DAB1: variants seen among roughly 807,000 people sequenced by gnomAD.
The protein encoded by DAB1 is DAB adaptor protein 1, also known as disabled homolog 1.
Under a neutral mutation model 64.6 loss-of-function variants are expected in DAB1, and 15 were observed. The ratio of observed to expected loss-of-function variants is 0.23; its 90% CI spans 0.16 to 0.36. The LOEUF is 0.36. DAB1 is among the 10% of genes least tolerant of loss of function. The probability of loss-of-function intolerance (pLI) is 1.00; values close to 1 mark genes in which losing one functional copy is unlikely to be tolerated. For missense variants in DAB1, 596 were observed against 706.7 expected (o/e 0.84, Z 1.78); for synonymous variants, 235 against 251.9 (o/e 0.93, Z 0.64).
At chr1:58,103,209 A>T (rs1357463329) in intron 5 of DAB1, among the ~76,000 whole-genome samples, 3 of 152,198 alleles carry the variant, frequency 2.0e-5, no homozygotes, top group Non-Finnish European at 2.9e-5. Flanking sequence ...ATAAAATACC[A>T]TCAAAGGCTA....
intron 4 of DAB1, among the ~76,000 whole-genome samples, chr1:58,341,047 C>T (rs1004134644): frequency 2.6e-5 from 4 of 152,158 alleles, no homozygotes; most frequent in Non-Finnish European, 5.9e-5. Context: ...ACATTCTGGG[C>T]TCCCTGTGGA....
intron 3 of DAB1, among the ~76,000 whole-genome samples, chr1:58,401,727 T>C (rs1644570040): frequency 1.3e-5 from 2 of 152,204 alleles, no homozygotes; most frequent in South Asian, 4.1e-4. Flanking sequence ...AAACTCAGCA[T>C]ATAATGGGTA....
upstream of DAB1, among the ~76,000 whole-genome samples, chr1:57,425,144 G>C (rs1439151760): frequency 1.3e-5 from 2 of 152,186 alleles, no homozygotes; most frequent in Non-Finnish European, 2.9e-5. Context: ...CAGGAGAAGA[G>C]AGGAGCCTGG....
chr1:58,347,085 T>C lies in DAB1; in HGVS notation n.258-3682A>G, dbSNP rs1569667528. ...AGCATAAGAAATGATTATGGGTTTG[T>C]TTTGTTTTGTTTTGTTTTGTTTGTT... On this transcript the variant is annotated intron_variant and non_coding_transcript_variant, in intron 3 of 20. Coordinates refer to the DAB1 transcript ENST00000485760. Among the ~76,000 whole-genome samples, 4 of 57,236 alleles carry C rather than the reference T, an allele frequency of 7.0e-5. No homozygotes were observed. The Admixed American group carries it at 7.1e-4, about 10-fold the overall frequency. The allele number at this position is 57,236 out of a possible 152,430, so 37.5% of individuals were successfully genotyped here. A position where few individuals can be genotyped will look rare whatever the true frequency, so the allele number is the denominator to read the frequency against.
At chr1:57,063,059 G>C in intron 8 of DAB1, 116 bp from the exon 9 acceptor site, 1 of 838,256 alleles carries the variant, frequency 1.2e-6, no homozygotes, top group Non-Finnish European at 2.0e-6. Context: ...TGGCCCCAGG[G>C]ACAAGCCCAT....
At chr1:57,135,719 G>A (rs1036214121) in intron 4 of DAB1, among the ~76,000 whole-genome samples, 17 of 152,102 alleles carry the variant, frequency 1.1e-4, no homozygotes, top group African/African-American at 4.1e-4. Context: ...AAATAATAAT[G>A]CAAAATGACC....
chr1:58,191,525 A>G (rs1657386984), intron 4 of DAB1, among the ~76,000 whole-genome samples: 1 of 152,164 alleles, frequency 6.6e-6, no homozygotes, highest in Non-Finnish European at 1.5e-5. Flanking sequence ...GAGAGAGGGG[A>G]ACAGGACTGT....
intron 5 of DAB1, among the ~76,000 whole-genome samples, chr1:57,914,892 CA>C (rs1226236173): frequency 1.3e-5 from 2 of 152,240 alleles, no homozygotes; most frequent in Admixed American, 6.5e-5. Context: ...CCAGAATTTT[CA>C]TAAGTTCTTA....
At position 58,174,297 on chromosome 1, in the gene DAB1, G is replaced by A. The variant is rs1656339387; in HGVS notation, n.310-23709C>T. Reference sequence around the variant, plus strand: ...TCTCCCCTTTCTAGGTCCTGTGACAGCCATCTTGCTATTACTCACCTTTGG... The same window carrying A: ...TCTCCCCTTTCTAGGTCCTGTGACAACCATCTTGCTATTACTCACCTTTGG... On this transcript the variant is annotated intron_variant and non_coding_transcript_variant, in intron 4 of 20. Coordinates refer to the DAB1 transcript ENST00000485760. 2.0e-5 allele frequency among the ~76,000 whole-genome samples: 3 copies of A among 152,202 alleles called. No homozygotes were observed. In the South Asian group the frequency reaches 6.2e-4, roughly 32 times the overall value.
intron 6 of DAB1, among the ~76,000 whole-genome samples, chr1:57,665,245 A>T (rs1455375872): frequency 6.6e-6 from 1 of 152,136 alleles, no homozygotes; most frequent in Non-Finnish European, 1.5e-5. Context: ...CTGTGGAAGT[A>T]GTCAAGTTTG....
chr1:57,214,972 T>G (rs1312947779), intron 2 of DAB1, among the ~76,000 whole-genome samples: 6 of 143,368 alleles, frequency 4.2e-5, no homozygotes, highest in Non-Finnish European at 9.2e-5. Flanking sequence ...ACAAAACACA[T>G]GGTGAAAATT....
chr1:57,402,027 G>C (rs958990731), intron 1 of DAB1, among the ~76,000 whole-genome samples: 3 of 152,144 alleles, frequency 2.0e-5, no homozygotes, highest in Non-Finnish European at 4.4e-5. Flanking sequence ...CTAGTTAAAA[G>C]TTGATGATAT....
At chr1:57,398,590 T>C (rs951407023) in intron 1 of DAB1, among the ~76,000 whole-genome samples, 4 of 152,230 alleles carry the variant, frequency 2.6e-5, no homozygotes, top group African/African-American at 9.6e-5. Context: ...TATCCAGAAA[T>C]AGTTCATTCC....
chr1:57,050,855 A>G (rs141668627), intron 9 of DAB1, among the ~76,000 whole-genome samples: 43 of 152,348 alleles, frequency 2.8e-4, no homozygotes, highest in African/African-American at 9.1e-4. Context: ...TGTTTGCCCA[A>G]TGGAGGAATA....
Position 57,133,846 on chromosome 1 carries a change from A to G in DAB1, c.306+2697T>C, listed in dbSNP as rs1033098942. ...AGGCCCAGTTTTCCACTTCTTTGAT[A>G]TGGAAAAAAAAACTTCATTTAGAAC... On this transcript the variant is annotated intron_variant, in intron 4 of 14. Coordinates refer to ENST00000371236, the MANE Select transcript of DAB1 (RefSeq NM_001365792.1). Among the ~76,000 whole-genome samples, 68 of 152,268 alleles carry G rather than the reference A, an allele frequency of 4.5e-4. No individual in the cohort carries two copies. The East Asian group carries it at 0.013, about 28-fold the overall frequency.
At chr1:57,285,955 C>T (rs1672283525) in intron 2 of DAB1, among the ~76,000 whole-genome samples, 1 of 152,272 alleles carries the variant, frequency 6.6e-6, no homozygotes, top group East Asian at 1.9e-4. Flanking sequence ...TAAAAATATA[C>T]ATTCTTTTCC....
intron 6 of DAB1, among the ~76,000 whole-genome samples, chr1:57,752,104 T>A (rs72664627): frequency 0.044 from 6,770 of 152,214 alleles, 192 homozygotes; most frequent in Middle Eastern, 0.086. Context: ...AATCTCAGAG[T>A]TCAGGCGCGG....
intron 7 of DAB1, among the ~76,000 whole-genome samples, chr1:57,622,975 G>A (rs1645878820): frequency 6.6e-6 from 1 of 152,176 alleles, no homozygotes; most frequent in South Asian, 2.1e-4. Context: ...CTCCATGTCT[G>A]AATAATTGAG....
At chr1:57,549,797 G>A (rs188166067) in intron 7 of DAB1, among the ~76,000 whole-genome samples, 61 of 152,248 alleles carry the variant, frequency 4.0e-4, no homozygotes, top group Admixed American at 2.4e-3. Flanking sequence ...CTAATGTAAA[G>A]AAAGAACAAA....
Sources: allele counts gnomAD v4.1 joint callset (sites outside exome capture counted in the v4.1 genomes callset), GRCh38; gene constraint gnomAD v4.1.1; transcripts MANE v1.5; gene names NCBI Gene and HGNC (gene_info 2026-07-23, HGNC 2026-07-21).